Variants in NRXN1 observed in about 807,000 individuals in gnomAD.
NRXN1 encodes the protein neurexin-1.
NRXN1 carries 39 observed loss-of-function variants against 150.9 expected under a neutral mutation model. The ratio of observed to expected loss-of-function variants is 0.26; its 90% CI spans 0.20 to 0.34. The LOEUF (loss-of-function observed/expected upper bound fraction) is 0.34. Ranked by LOEUF, NRXN1 falls within the 10% of genes least tolerant of loss-of-function variation. The probability of loss-of-function intolerance (pLI) is 1.00; values close to 1 mark genes in which losing one functional copy is unlikely to be tolerated. For missense variants in NRXN1, 1,815 were observed against 1,949.9 expected (o/e 0.93, Z 1.30); for synonymous variants, 924 against 757.0 (o/e 1.22, Z -3.62).
intron 21 of NRXN1, among the ~76,000 whole-genome samples, chr2:49,952,059 C>A (rs1175764436): frequency 6.6e-6 from 1 of 151,862 alleles, no homozygotes; most frequent in Non-Finnish European, 1.5e-5. Flanking sequence ...TATTGGGAAA[C>A]TGAAGCTAGA....
intron 18 of NRXN1, among the ~76,000 whole-genome samples, chr2:50,202,135 A>T (rs923117782): frequency 6.6e-6 from 1 of 152,146 alleles, no homozygotes; most frequent in Admixed American, 6.6e-5. Context: ...ACCATAATGG[A>T]CACCACAAAC....
intron 18 of NRXN1, among the ~76,000 whole-genome samples, chr2:50,208,361 C>T (rs568247849): frequency 6.6e-6 from 1 of 152,194 alleles, no homozygotes; most frequent in South Asian, 2.1e-4. Flanking sequence ...TGCAATGCTG[C>T]TACCCTTTTG....
intron 18 of NRXN1, among the ~76,000 whole-genome samples, chr2:50,197,133 A>G (rs1379231066): frequency 1.3e-5 from 2 of 152,148 alleles, no homozygotes; most frequent in African/African-American, 2.4e-5. Flanking sequence ...TCAGAAAATT[A>G]TAGTCCACTT....
chr2:50,805,991 C>A (rs558345960), intron 5 of NRXN1, among the ~76,000 whole-genome samples: 2 of 152,260 alleles, frequency 1.3e-5, no homozygotes, highest in East Asian at 3.9e-4. Context: ...ACATATTCAT[C>A]CTTTAAGTAC....
chr2:49,946,092 T>A lies in NRXN1; in HGVS notation c.4129-2301A>T, dbSNP rs897872480. Among the ~76,000 whole-genome samples the A allele has an allele frequency of 2.0e-5, 3 of 152,222 alleles. No homozygotes were observed. In the East Asian group the frequency reaches 5.8e-4, roughly 29 times the overall value. ...GATTGCCATTCTAACTGGCATGAGA[T>A]GGTATCTCATTGTGGTTTTGATTTG... On this transcript the variant is annotated intron_variant, in intron 21 of 22. Transcript: ENST00000401669.
intron 17 of NRXN1, among the ~76,000 whole-genome samples, chr2:50,436,860 A>G (rs1184560749): frequency 1.3e-5 from 2 of 152,202 alleles, no homozygotes; most frequent in Non-Finnish European, 2.9e-5. Flanking sequence ...GAGATACTCA[A>G]TGGTATCTCA....
intron 9 of NRXN1, chr2:50,548,141 C>A (rs2093534953): frequency 6.6e-6 from 1 of 152,160 alleles, no homozygotes; most frequent in South Asian, 2.1e-4. Context: ...CAAGAGCACA[C>A]TTACTGTGGT....
intron 5 of NRXN1, among the ~76,000 whole-genome samples, chr2:50,839,787 A>T (rs144840636): frequency 6.6e-6 from 1 of 152,280 alleles, no homozygotes; most frequent in Non-Finnish European, 1.5e-5. Context: ...GAAATAAGAT[A>T]ATTAAATTAG....
intron 21 of NRXN1, among the ~76,000 whole-genome samples, chr2:50,046,791 C>T (rs1191825029): frequency 6.6e-6 from 1 of 152,166 alleles, no homozygotes; most frequent in Non-Finnish European, 1.5e-5. Context: ...CCCAACATCC[C>T]ACACAAGCTT....
chr2:50,785,480 C>A (rs1289658119), intron 5 of NRXN1, among the ~76,000 whole-genome samples: 2 of 152,170 alleles, frequency 1.3e-5, no homozygotes, highest in African/African-American at 4.8e-5. Flanking sequence ...GATTCCCTGA[C>A]CTCATGGTCC....
chr2:50,324,640 C>G (rs2076270157), intron 17 of NRXN1, among the ~76,000 whole-genome samples: 2 of 152,210 alleles, frequency 1.3e-5, no homozygotes. Context: ...CTCCCGGGTT[C>G]ACGCCATTCT....
chr2:50,144,818 T>A (rs1407731276), intron 18 of NRXN1, among the ~76,000 whole-genome samples: 1 of 151,784 alleles, frequency 6.6e-6, no homozygotes, highest in Non-Finnish European at 1.5e-5. Context: ...TGGTTCTATA[T>A]GCTCTTGAAA....
chr2:50,020,582 T>C (rs1370073635), intron 21 of NRXN1, among the ~76,000 whole-genome samples: 1 of 152,214 alleles, frequency 6.6e-6, no homozygotes, highest in Non-Finnish European at 1.5e-5. Context: ...TGCAATCATA[T>C]TGTTTACTTG....
At chr2:50,325,165 T>G (rs1468226273) in intron 17 of NRXN1, among the ~76,000 whole-genome samples, 1 of 152,074 alleles carries the variant, frequency 6.6e-6, no homozygotes, top group African/African-American at 2.4e-5. Context: ...AAGAAGAGGA[T>G]GGAACAATCA....
At chr2:50,765,368 T>G (rs1216211163) in intron 5 of NRXN1, among the ~76,000 whole-genome samples, 1 of 151,944 alleles carries the variant, frequency 6.6e-6, no homozygotes, top group Non-Finnish European at 1.5e-5. Flanking sequence ...CTCTCAGACA[T>G]CAGGAAGACA....
chr2:51,002,838 G>T (rs1193597486), intron 2 of NRXN1, among the ~76,000 whole-genome samples: 1 of 151,852 alleles, frequency 6.6e-6, no homozygotes, highest in Non-Finnish European at 1.5e-5. Flanking sequence ...TTCTTTCTCT[G>T]TTCATCTCTA....
chr2:50,247,743 T>A (rs2066643319), intron 17 of NRXN1, among the ~76,000 whole-genome samples: 1 of 152,028 alleles, frequency 6.6e-6, no homozygotes, highest in Non-Finnish European at 1.5e-5. Context: ...AAATGCAAGA[T>A]CCTGGCTTTG....
chr2:50,548,968 C>T (rs946613451), intron 9 of NRXN1, among the ~76,000 whole-genome samples: 2 of 152,086 alleles, frequency 1.3e-5, no homozygotes, highest in Admixed American at 1.3e-4. Context: ...CCAGGCAAAT[C>T]AACAGATATG....
chr2:50,876,010 T>A (rs1253051397), intron 5 of NRXN1, among the ~76,000 whole-genome samples: 1 of 151,812 alleles, frequency 6.6e-6, no homozygotes, highest in Admixed American at 6.6e-5. Context: ...CTGACTCACA[T>A]AAGCCTCACT....
Sources: gnomAD v4.1 joint callset for allele counts (sites outside exome capture counted in the v4.1 genomes callset) on GRCh38, gnomAD v4.1.1 for gene constraint, MANE v1.5 for transcripts, NCBI Gene and HGNC (gene_info 2026-07-23, HGNC 2026-07-21) for gene names.